The following GALNT9 variants were observed in gnomAD, a reference collection of about 807,000 sequenced individuals.
The protein encoded by GALNT9 is GalNAc transferase 9.
In GALNT9, 47 loss-of-function variants were observed where a neutral mutation model predicts 63.1. That is an observed-to-expected ratio of 0.75 (90% CI 0.59 to 0.95). The LOEUF is 0.95. Among genes scored for constraint, GALNT9 ranks in the 40% least tolerant of loss-of-function variants. The probability of loss-of-function intolerance (pLI) is 0.00; values close to 1 mark genes in which losing one functional copy is unlikely to be tolerated. For missense variants in GALNT9, 829 were observed against 874.8 expected, an observed-to-expected ratio of 0.95 and a Z score of 0.66; for synonymous variants, 396 against 365.7, an observed-to-expected ratio of 1.08 and a Z score of -0.94.
intron 5 of GALNT9, among the ~76,000 whole-genome samples, chr12:132,255,133 C>A (rs1452096593): frequency 2.0e-5 from 3 of 152,150 alleles, no homozygotes; most frequent in Non-Finnish European, 4.4e-5. Context: ...CCAAAGTAAC[C>A]CAGGAAAACG....
intron 6 of GALNT9, among the ~76,000 whole-genome samples, chr12:132,226,058 C>A (rs966259972): frequency 5.9e-4 from 86 of 145,556 alleles, no homozygotes; most frequent in African/African-American, 2.2e-3. Flanking sequence ...ACACACCCCA[C>A]ACTGTACATA....
chr12:132,222,573 C>T (rs1486038300), intron 6 of GALNT9, among the ~76,000 whole-genome samples: 6 of 152,002 alleles, frequency 3.9e-5, no homozygotes, highest in East Asian at 1.9e-4. Context: ...CAAGGGGCAC[C>T]GCGAGCAGCA....
intron 1 of GALNT9, among the ~76,000 whole-genome samples, chr12:132,302,429 C>T (rs2135575401): frequency 6.6e-6 from 1 of 152,326 alleles, no homozygotes; most frequent in African/African-American, 2.4e-5. Flanking sequence ...AGTATTTCCC[C>T]ACGTCACTAA....
chr12:132,243,567 G>A (rs185695256), intron 6 of GALNT9, among the ~76,000 whole-genome samples: 5 of 152,272 alleles, frequency 3.3e-5, no homozygotes, highest in African/African-American at 7.2e-5. Context: ...ACGTCTCTTC[G>A]TCTGGCTCCC....
chr12:132,312,515 C>A (rs1200141739), intron 1 of GALNT9, among the ~76,000 whole-genome samples: 5 of 152,228 alleles, frequency 3.3e-5, no homozygotes, highest in Non-Finnish European at 7.3e-5. Flanking sequence ...GGCCCCCACC[C>A]CTCCCCATGC....
chr12:132,328,919 T>C, intron 1 of GALNT9, 47 bp downstream of exon 1: 1 of 1,448,758 alleles, frequency 6.9e-7, no homozygotes, highest in Non-Finnish European at 9.1e-7. Flanking sequence ...GGGTGGCCAC[T>C]GTCCCGGGCA....
At chr12:132,206,992 G>A (rs186573807) in intron 6 of GALNT9, among the ~76,000 whole-genome samples, 1 of 152,214 alleles carries the variant, frequency 6.6e-6, no homozygotes, top group Non-Finnish European at 1.5e-5. Context: ...CTGAGCCCGG[G>A]AGGTTGAGGC....
In GALNT9 at chr12:132,228,455, CTT is replaced by C. The variant is rs1223407862; in HGVS notation, c.1077+19453_1077+19454del. ...CCTCCCCAGAGGAAGGGTGATACCTCTTTGCCTCTGGCAAGACAGGGCGGCCA... is the reference window on the plus strand; with the variant it reads ...CCTCCCCAGAGGAAGGGTGATACCTCTGCCTCTGGCAAGACAGGGCGGCCA... On this transcript the variant is annotated intron_variant, in intron 6 of 10. Transcript: ENST00000328957. Among the ~76,000 whole-genome samples, 429 of 148,404 alleles carry C rather than the reference CTT, an allele frequency of 2.9e-3. 2 individuals carry two copies. Among genetic ancestry groups the C allele is most frequent in the Non-Finnish European group, 5.0e-3 (333 of 66,666 alleles).
In GALNT9 at chr12:132,286,197, G is replaced by C; in HGVS notation, c.419+53C>G. On this transcript the variant is annotated intron_variant, in intron 2 of 10. Coordinates refer to ENST00000328957, the MANE Select transcript of GALNT9 (RefSeq NM_001122636.2). The surrounding 1 kb of genome is among the most constrained non-coding windows in gnomAD (Gnocchi z 7.4). ...AGTCACTTCCCTGGCCAGTGTGGGG[G>C]GCGGTCACTTCCTCGGCGGGCGTCG... 1 of 1,512,560 alleles carries C rather than the reference G, an allele frequency of 6.6e-7. No individual in the cohort carries two copies. The highest frequency in any genetic ancestry group is 8.9e-7 in the Non-Finnish European group (1 of 1,123,956). 93.7% of individuals were successfully genotyped at this position (1,512,560 alleles called of 1,614,324 possible).
chr12:132,220,169 G>A (rs1877396790), intron 6 of GALNT9, among the ~76,000 whole-genome samples: 1 of 152,128 alleles, frequency 6.6e-6, no homozygotes, highest in African/African-American at 2.4e-5. Context: ...TGAGGTGGGA[G>A]GATCACCTAA....
chr12:132,302,051 A>G (rs1158742528), intron 1 of GALNT9, among the ~76,000 whole-genome samples: 1 of 152,244 alleles, frequency 6.6e-6, no homozygotes, highest in African/African-American at 2.4e-5. Flanking sequence ...TGCTTATTTC[A>G]GAAATTGAAC....
intron 5 of GALNT9, among the ~76,000 whole-genome samples, chr12:132,249,334 A>C (rs1034313902): frequency 2.0e-5 from 3 of 152,202 alleles, no homozygotes; most frequent in African/African-American, 4.8e-5. Context: ...TCTTCCATAA[A>C]AACAACAGCA....
At chr12:132,260,489 G>A (rs1555239617) in intron 4 of GALNT9, among the ~76,000 whole-genome samples, 1 of 152,222 alleles carries the variant, frequency 6.6e-6, no homozygotes, top group Non-Finnish European at 1.5e-5. Context: ...AAGGCCTCGG[G>A]GGCACTCGTG....
At position 132,317,849 on chromosome 12, in the gene GALNT9, C is replaced by G. The variant is rs139933485; in HGVS notation, c.238+11117G>C. On this transcript the variant is annotated intron_variant, in intron 1 of 10. Coordinates refer to ENST00000328957, the MANE Select transcript of GALNT9 (RefSeq NM_001122636.2). ...CTGCTGGGAGCCTCAGGAAGATCCACGGTCGACCTGGCACCTCTAGATTTC... is the reference window on the plus strand; with the variant it reads ...CTGCTGGGAGCCTCAGGAAGATCCAGGGTCGACCTGGCACCTCTAGATTTC... Among the ~76,000 whole-genome samples the G allele has an allele frequency of 1.3e-3, 199 of 152,330 alleles. 1 individual carries two copies. Among genetic ancestry groups the G allele is most frequent in the African/African-American group, 4.6e-3 (193 of 41,564 alleles).
Position 132,282,555 on chromosome 12 carries a change from T to C in GALNT9, c.419+3695A>G, listed in dbSNP as rs2135559043. ...TTCAGACACTGGCCCCTTCTTGGGT[T>C]TCGTGAGGGACCCTGGAAGCTCCAA... On this transcript the variant is annotated intron_variant, in intron 2 of 10. Coordinates refer to ENST00000328957, the MANE Select transcript of GALNT9 (RefSeq NM_001122636.2). This position sits in a 1 kb window ranked among gnomAD's most constrained non-coding sequence, Gnocchi z 4.5. 6.6e-6 allele frequency among the ~76,000 whole-genome samples: 1 copy of C among 152,246 alleles called. No individual in the cohort carries two copies. The highest frequency in any genetic ancestry group is 1.5e-5 in the Non-Finnish European group (1 of 68,020).
chr12:132,247,510 A>G lies in GALNT9; in HGVS notation c.1077+400T>C, dbSNP rs1027988450. 7 of 433,774 alleles carry G rather than the reference A, an allele frequency of 1.6e-5. No homozygotes were observed. In the East Asian group the frequency reaches 4.6e-4, roughly 29 times the overall value. 26.9% of individuals were successfully genotyped at this position (433,774 alleles called of 1,614,324 possible). ...GCTTGGCTTCCAGCTGCCTCAGCCT[A>G]GGCTCTGGAGAGGGCTCAGTGCGCT... On this transcript the variant is annotated intron_variant, in intron 6 of 10. Transcript: ENST00000328957.
intron 6 of GALNT9, among the ~76,000 whole-genome samples, chr12:132,210,183 G>T (rs1372188359): frequency 1.3e-5 from 2 of 152,222 alleles, no homozygotes; most frequent in Non-Finnish European, 2.9e-5. Flanking sequence ...CAGGCCCCGG[G>T]CTGGCACATC....
intron 1 of GALNT9, among the ~76,000 whole-genome samples, chr12:132,306,110 AC>A (rs1881602561): frequency 6.6e-6 from 1 of 151,804 alleles, no homozygotes; most frequent in African/African-American, 2.4e-5. Flanking sequence ...CGTTCTTGAG[AC>A]CCTCCCCAAA....
At chr12:132,198,068 C>T in intron 9 of GALNT9, 109 bp from the exon 10 acceptor site, 1 of 932,598 alleles carries the variant, frequency 1.1e-6, no homozygotes, top group Non-Finnish European at 1.6e-6. Flanking sequence ...CCCTGCGCGG[C>T]TGCCTTGGAG....
Sources: allele counts gnomAD v4.1 joint callset (sites outside exome capture counted in the v4.1 genomes callset), GRCh38; gene constraint gnomAD v4.1.1; non-coding constraint Gnocchi (gnomAD v3.1); transcripts MANE v1.5; gene names NCBI Gene and HGNC (gene_info 2026-07-23, HGNC 2026-07-21).